The following GRM7 variants were observed in gnomAD, a reference collection of about 807,000 sequenced individuals.
GRM7 encodes the protein metabotropic glutamate receptor 7.
A neutral mutation model predicts 84.5 loss-of-function variants in GRM7; 35 were observed. The ratio of observed to expected loss-of-function variants is 0.41; its 90% confidence interval spans 0.32 to 0.55. The LOEUF (loss-of-function observed/expected upper bound fraction) is 0.55, where lower values mean the gene tolerates loss of function less well. Among genes scored for constraint, GRM7 ranks in the 20% least tolerant of loss-of-function variants. GRM7 has a pLI of 0.19. For missense variants in GRM7, 1,003 were observed against 1,194.6 expected (o/e 0.84, Z 2.36); for synonymous variants, 487 against 455.1 (o/e 1.07, Z -0.89).
chr3:7,607,436 T>A (rs1696635153), intron 8 of GRM7: 1 of 151,828 alleles, frequency 6.6e-6, no homozygotes, highest in South Asian at 2.1e-4. Context: ...AGTTAAAGAG[T>A]ATAAAGAAAA....
chr3:7,601,564 G>A (rs906424051), intron 8 of GRM7, among the ~76,000 whole-genome samples: 10 of 152,106 alleles, frequency 6.6e-5, no homozygotes, highest in African/African-American at 2.2e-4. Flanking sequence ...AAGAAAAGAT[G>A]CAGCAAATCT....
chr3:6,874,828 T>G (rs538087708), intron 1 of GRM7, among the ~76,000 whole-genome samples: 1 of 152,292 alleles, frequency 6.6e-6, no homozygotes, highest in East Asian at 1.9e-4. Context: ...TCAAAGACCA[T>G]TCAAGGAAAA....
At chr3:7,192,508 A>G (rs983394982) in intron 2 of GRM7, among the ~76,000 whole-genome samples, 1 of 152,000 alleles carries the variant, frequency 6.6e-6, no homozygotes, top group Non-Finnish European at 1.5e-5. Flanking sequence ...CTTTCCTTCA[A>G]CTTGCTGTTC....
chr3:7,276,757 C>T (rs1438822227), intron 2 of GRM7, among the ~76,000 whole-genome samples: 4 of 11,708 alleles, frequency 3.4e-4, no homozygotes, highest in African/African-American at 1.1e-3. Context: ...GTTTCTTTCT[C>T]TCTTTCTCCC....
chr3:7,052,720 G>GTTTTTTT (rs372132445), intron 1 of GRM7, among the ~76,000 whole-genome samples: 4,285 of 100,392 alleles, frequency 0.043, 136 homozygotes, highest in African/African-American at 0.074. Context: ...AGTATCGGTA[G>GTTTTTTT]TTTTTTTTTT....
At chr3:6,893,433 G>T (rs964213330) in intron 1 of GRM7, among the ~76,000 whole-genome samples, 1 of 152,120 alleles carries the variant, frequency 6.6e-6, no homozygotes, top group African/African-American at 2.4e-5. Flanking sequence ...AACTCATAAC[G>T]TGAATCCTAA....
At chr3:7,653,180 C>CATTTT (rs1440978783) in intron 8 of GRM7, among the ~76,000 whole-genome samples, 5 of 89,512 alleles carry the variant, frequency 5.6e-5, no homozygotes, top group African/African-American at 2.7e-4. Flanking sequence ...ATACTATATC[C>CATTTT]TTTTTTTTTT....
At chr3:7,026,518 G>T (rs1695988143) in intron 1 of GRM7, among the ~76,000 whole-genome samples, 1 of 152,200 alleles carries the variant, frequency 6.6e-6, no homozygotes, top group Non-Finnish European at 1.5e-5. Context: ...GTGTTTGTAA[G>T]AAGAGGATTA....
Position 6,863,554 on chromosome 3 carries a change from G to A in GRM7, c.519+1647G>A, listed in dbSNP as rs1368153023. 6.6e-6 allele frequency among the ~76,000 whole-genome samples: 1 copy of A among 152,174 alleles called. No individual in the cohort carries two copies. The highest frequency in any genetic ancestry group is 1.9e-4 in the East Asian group (1 of 5,170). On this transcript the variant is annotated intron_variant, in intron 1 of 9. Transcript: ENST00000357716. The surrounding 1 kb of genome is among the most constrained non-coding windows in gnomAD (Gnocchi z 4.8). The stretch of plus-strand genomic sequence containing the variant: ...CCATCATGGAAATCCTGGCAGGTCT[G>A]CAAACCCAAAAGTGCTTCGGGGCTA...
chr3:6,923,818 A>G (rs1697210468), intron 1 of GRM7, among the ~76,000 whole-genome samples: 1 of 152,188 alleles, frequency 6.6e-6, no homozygotes, highest in Non-Finnish European at 1.5e-5. Context: ...CTATAAATGC[A>G]GCTGACTAAA....
intron 1 of GRM7, among the ~76,000 whole-genome samples, chr3:7,019,932 A>T (rs962522056): frequency 6.6e-6 from 1 of 152,214 alleles, no homozygotes; most frequent in Admixed American, 6.5e-5. Flanking sequence ...ACCGGAAAAG[A>T]TTTTGTTTCT....
rs114630882 is a variant in GRM7 at position 7,119,658 on chromosome 3, G to A, written c.520-26794G>A. On this transcript the variant is annotated intron_variant, in intron 1 of 9. Transcript: ENST00000357716. ...TGGATATTTCCTTGTAGTAACTCAC[G>A]TTAGGCCAAATCCTGTATATTAAAG... 8.8e-3 allele frequency among the ~76,000 whole-genome samples: 1,344 copies of A among 152,170 alleles called. 11 individuals carry two copies. Among genetic ancestry groups the A allele is most frequent in the African/African-American group, 0.028 (1,183 of 41,528 alleles).
At chr3:6,955,900 T>G (rs1036632483) in intron 1 of GRM7, among the ~76,000 whole-genome samples, 1 of 151,938 alleles carries the variant, frequency 6.6e-6, no homozygotes, top group African/African-American at 2.4e-5. Flanking sequence ...GTTGAAATTA[T>G]GAAGAAAGAC....
intron 8 of GRM7, among the ~76,000 whole-genome samples, chr3:7,671,370 C>G (rs1281675757): frequency 1.3e-5 from 2 of 152,066 alleles, no homozygotes; most frequent in Non-Finnish European, 2.9e-5. Context: ...GGAATAGACA[C>G]TGCATCAGGC....
intron 1 of GRM7, among the ~76,000 whole-genome samples, chr3:6,911,414 T>C (rs914610183): frequency 6.6e-6 from 1 of 152,152 alleles, no homozygotes; most frequent in African/African-American, 2.4e-5. Flanking sequence ...CTTATGTTCC[T>C]TCATCCAACC....
At chr3:7,140,871 T>C (rs949089319) in intron 1 of GRM7, among the ~76,000 whole-genome samples, 6 of 152,120 alleles carry the variant, frequency 3.9e-5, no homozygotes, top group African/African-American at 9.6e-5. Flanking sequence ...CATAAACTTA[T>C]ATAGAGAGGG....
At chr3:7,064,555 A>T (rs1391433406) in intron 1 of GRM7, among the ~76,000 whole-genome samples, 1 of 48,756 alleles carries the variant, frequency 2.1e-5, no homozygotes, top group Non-Finnish European at 4.0e-5. Context: ...ATGGATATAT[A>T]TATATATATA....
At chr3:6,913,158 A>ATATATGTAGC (rs1346372187) in intron 1 of GRM7, among the ~76,000 whole-genome samples, 1 of 152,088 alleles carries the variant, frequency 6.6e-6, no homozygotes, top group Non-Finnish European at 1.5e-5. Context: ...TTATCTTTTA[A>ATATATGTAGC]TATATGTAGC....
At chr3:7,181,546 C>A (rs1013845652) in intron 2 of GRM7, among the ~76,000 whole-genome samples, 2 of 152,018 alleles carry the variant, frequency 1.3e-5, no homozygotes, top group Non-Finnish European at 2.9e-5. Context: ...GAAGAAGTAT[C>A]CTTTCCTCCA....
Sources: allele counts gnomAD v4.1 joint callset (sites outside exome capture counted in the v4.1 genomes callset), GRCh38; gene constraint gnomAD v4.1.1; non-coding constraint Gnocchi (gnomAD v3.1); transcripts MANE v1.5; gene names NCBI Gene and HGNC (gene_info 2026-07-23, HGNC 2026-07-21).